DENND3: variants seen among roughly 807,000 people sequenced by gnomAD.
DENND3 encodes the protein DENN domain-containing protein 3.
DENND3 carries 88 observed loss-of-function variants against 135.1 expected under a neutral mutation model. That is an observed-to-expected ratio of 0.65 (90% confidence interval 0.55 to 0.78). The LOEUF is 0.78. Among genes scored for constraint, DENND3 ranks in the 30% least tolerant of loss-of-function variants. The probability of loss-of-function intolerance (pLI) is 0.00; values close to 1 mark genes in which losing one functional copy is unlikely to be tolerated. For missense variants in DENND3, 1,392 were observed against 1,688.4 expected (o/e 0.82, Z 3.08); for synonymous variants, 693 against 712.3 (o/e 0.97, Z 0.43).
chr8:141,151,541 G>T, intron 6 of DENND3, 78 bp from the exon 7 acceptor site: 2 of 1,387,976 alleles, frequency 1.4e-6, no homozygotes, highest in Non-Finnish European at 2.0e-6. Flanking sequence ...AGCCTGGGCT[G>T]GGCAACACAG....
intron 8 of DENND3, chr8:141,158,049 C>T (rs148241435): frequency 6.3e-5 from 75 of 1,193,922 alleles, no homozygotes; most frequent in African/African-American, 2.1e-4. Flanking sequence ...CGTGAGCCAC[C>T]GCGCCCAGTC....
chr8:141,158,143 G>A (rs1475174089), intron 8 of DENND3: 31 of 1,288,300 alleles, frequency 2.4e-5, no homozygotes, highest in Non-Finnish European at 2.8e-5. Context: ...CACAGGCAAG[G>A]CTGGTTTCTG....
chr8:141,143,419 T>G (rs2154612806), intron 4 of DENND3, among the ~76,000 whole-genome samples: 1 of 152,306 alleles, frequency 6.6e-6, no homozygotes, highest in Middle Eastern at 3.4e-3. Context: ...TTACAAATTT[T>G]TTTGAGAGAC....
intron 1 of DENND3, among the ~76,000 whole-genome samples, chr8:141,136,070 C>T (rs1816752508): frequency 6.6e-6 from 1 of 151,430 alleles, no homozygotes; most frequent in Non-Finnish European, 1.5e-5. Context: ...TCCATAGGCT[C>T]CTGGCAGCCC....
Position 141,190,357 on chromosome 8 carries a change from T to G in DENND3, c.3319T>G (p.Phe1107Val). 1 of 1,613,356 alleles carries G rather than the reference T, an allele frequency of 6.2e-7. No individual in the cohort carries two copies. ...NVSTLQVTSR[F>V]QLPRGGLTSI... ...GAGCACACTGCAGGTGACCAGCCGC[T>G]TCCAGCTGCCGCGAGGTGGCCTGAC... The change falls in exon 20 of 23, where the codon TTC (phenylalanine) becomes GTC (valine). Residue 1107 changes from phenylalanine (F) to valine (V), a missense_variant. By Grantham distance (50) the Phe-to-Val change is conservative. Coordinates refer to ENST00000519811, the MANE Select transcript of DENND3 (RefSeq NM_001352890.3).
chr8:141,145,695 A>G (rs1466231013), intron 5 of DENND3, among the ~76,000 whole-genome samples: 2 of 151,722 alleles, frequency 1.3e-5, no homozygotes, highest in Admixed American at 6.6e-5. Flanking sequence ...ATGTCAGTTC[A>G]TAGCTCCCTA....
At chr8:141,157,727 A>C in intron 8 of DENND3, 1 of 984,070 alleles carries the variant, frequency 1.0e-6, no homozygotes, top group Non-Finnish European at 1.2e-6. Context: ...TCTACCTGGA[A>C]GGTTTCTGAA....
In DENND3 at chr8:141,167,582, G is replaced by A. The variant is rs902175786; in HGVS notation, c.1754-422G>A. 2.0e-5 allele frequency among the ~76,000 whole-genome samples: 3 copies of A among 152,168 alleles called. No individual in the cohort carries two copies. The highest frequency in any genetic ancestry group is 2.9e-5 in the Non-Finnish European group (2 of 68,032). On this transcript the variant is annotated intron_variant, in intron 12 of 22. Coordinates refer to ENST00000519811, the MANE Select transcript of DENND3 (RefSeq NM_001352890.3). The surrounding 1 kb of genome is among the most constrained non-coding windows in gnomAD (Gnocchi z 4.1). ...CCAGGCTGTGGAAGCCTCGGTTTCC[G>A]CATCTGTAGAACGGGACTATAGTAA...
intron 15 of DENND3, 181 bp from the exon 16 acceptor site, chr8:141,177,886 T>C (rs762152802): frequency 8.9e-5 from 66 of 740,344 alleles, no homozygotes; most frequent in Non-Finnish European, 1.3e-4. Flanking sequence ...CAATCAATAT[T>C]TGTCTTAAGT....
intron 18 of DENND3, among the ~76,000 whole-genome samples, chr8:141,188,035 A>AGC (rs1472428239): frequency 7.5e-4 from 68 of 90,510 alleles, no homozygotes; most frequent in African/African-American, 2.8e-3. Context: ...AAAACTGCCA[A>AGC]ACATCAGCCA....
intron 9 of DENND3, among the ~76,000 whole-genome samples, chr8:141,161,530 G>A (rs1195116341): frequency 2.0e-5 from 3 of 152,204 alleles, no homozygotes; most frequent in Non-Finnish European, 4.4e-5. Flanking sequence ...AGTCACTTAA[G>A]GAATGTATGG....
intron 5 of DENND3, among the ~76,000 whole-genome samples, chr8:141,145,837 A>ATTTTTTTT (rs1818029013): frequency 3.5e-5 from 1 of 28,884 alleles, no homozygotes; most frequent in African/African-American, 4.0e-4. Context: ...ATATATATAT[A>ATTTTTTTT]TATATATATA....
Position 141,139,618 on chromosome 8 carries a change from T to G in DENND3, c.501+1481T>G, listed in dbSNP as rs1229467120. Among the ~76,000 whole-genome samples the G allele has an allele frequency of 2.6e-5, 4 of 152,222 alleles. No individual in the cohort carries two copies. Among genetic ancestry groups the G allele is most frequent in the Non-Finnish European group, 5.9e-5 (4 of 68,024 alleles). On this transcript the variant is annotated intron_variant, in intron 3 of 22. Transcript: ENST00000519811. The surrounding 1 kb of genome is among the most constrained non-coding windows in gnomAD (Gnocchi z 4.2). ...AGAAAGGATCCACGATGTTGGATCT[T>G]TCAGAAAAGCACCTTGGGAGTTTGC...
intron 19 of DENND3, 86 bp downstream of exon 19, chr8:141,189,232 C>T: frequency 6.4e-7 from 1 of 1,565,996 alleles, no homozygotes; most frequent in Non-Finnish European, 8.7e-7. Context: ...AAGTCTTGTG[C>T]CCACAGGGGC....
chr8:141,152,418 A>ACCCATGC (rs910876754), intron 7 of DENND3, among the ~76,000 whole-genome samples: 3 of 151,978 alleles, frequency 2.0e-5, no homozygotes, highest in African/African-American at 7.2e-5. Context: ...TGACAGCCAC[A>ACCCATGC]CCCATGCGCT....
intron 7 of DENND3, among the ~76,000 whole-genome samples, chr8:141,152,402 A>G (rs559629622): frequency 6.6e-6 from 1 of 152,286 alleles, no homozygotes; most frequent in East Asian, 1.9e-4. Context: ...GTCAGCCCCC[A>G]GGGCCTGACA....
chr8:141,190,639 C>T (rs553504042), intron 20 of DENND3: 14 of 584,020 alleles, frequency 2.4e-5, no homozygotes, highest in South Asian at 5.6e-5. Context: ...CAGCGGCTGA[C>T]GGGATGCCTG....
chr8:141,146,865 A>G lies in DENND3; in HGVS notation c.735+2606A>G, dbSNP rs1818212589. ...ATGTGCAGTGAAATCATCAAAGTTT[A>G]TGTTCTTGTTCTGTAAACGCAGCAA... On this transcript the variant is annotated intron_variant, in intron 5 of 22. Coordinates refer to ENST00000519811, the MANE Select transcript of DENND3 (RefSeq NM_001352890.3). The surrounding 1 kb of genome is among the most constrained non-coding windows in gnomAD (Gnocchi z 4.3). 6.6e-6 allele frequency among the ~76,000 whole-genome samples: 1 copy of G among 152,152 alleles called. No homozygotes were observed. Among genetic ancestry groups the G allele is most frequent in the Non-Finnish European group, 1.5e-5 (1 of 68,038 alleles).
rs1815445328 is a variant in DENND3 at position 141,128,613 on chromosome 8, G to A, written c.-95G>A. The A allele has an allele frequency of 2.8e-6, 2 of 711,236 alleles. No individual in the cohort carries two copies. The highest frequency in any genetic ancestry group is 1.0e-4 in the East Asian group (2 of 19,662). The allele number at this position is 711,236 out of a possible 1,614,324, so 44.1% of individuals were successfully genotyped here. A position where few individuals can be genotyped will look rare whatever the true frequency, so the allele number is the denominator to read the frequency against. On this transcript the variant is annotated 5_prime_UTR_variant, in exon 1 of 23. Coordinates refer to ENST00000519811, the MANE Select transcript of DENND3 (RefSeq NM_001352890.3). The surrounding 1 kb of genome is among the most constrained non-coding windows in gnomAD (Gnocchi z 4.5). ...CGCAGACGGCGCTCGCAGCGCCCCC[G>A]GCCCCCAGGCGGCGCGGCTGGTCCC...
Sources: allele counts gnomAD v4.1 joint callset (sites outside exome capture counted in the v4.1 genomes callset), GRCh38; gene constraint gnomAD v4.1.1; non-coding constraint Gnocchi (gnomAD v3.1); transcripts MANE v1.5; gene names NCBI Gene and HGNC (gene_info 2026-07-23, HGNC 2026-07-21).